ANKS1B: variants seen among roughly 807,000 people sequenced by gnomAD.
ANKS1B encodes the protein ankyrin repeat and sterile alpha motif domain containing 1B, also known as ankyrin repeat and sterile alpha motif domain-containing protein 1B.
In ANKS1B, 36 loss-of-function variants were observed where a neutral mutation model predicts 148.3. The ratio of observed to expected loss-of-function variants is 0.24; its 90% CI spans 0.19 to 0.32. ANKS1B has a LOEUF of 0.32. Among genes scored for constraint, ANKS1B ranks in the 10% least tolerant of loss-of-function variants. The pLI, the probability that ANKS1B is intolerant of heterozygous loss-of-function variation, is 1.00. For synonymous variants in ANKS1B, 542 were observed against 560.8 expected (o/e 0.97, Z 0.47); for missense variants, 1,157 against 1,542.6 (o/e 0.75, Z 4.19).
intron 8 of ANKS1B, among the ~76,000 whole-genome samples, chr12:99,689,786 C>T (rs1354174821): frequency 1.3e-5 from 2 of 152,150 alleles, no homozygotes; most frequent in African/African-American, 2.4e-5. Flanking sequence ...GGCCTCAGTT[C>T]TACAACCTCA....
chr12:99,937,371 A>G (rs930385020), intron 1 of ANKS1B, among the ~76,000 whole-genome samples: 20 of 152,206 alleles, frequency 1.3e-4, no homozygotes, highest in African/African-American at 4.8e-4. Context: ...CTACAGCTAC[A>G]TGGTCAATAA....
intron 12 of ANKS1B, among the ~76,000 whole-genome samples, chr12:99,355,481 A>C (rs1441583134): frequency 6.6e-6 from 1 of 152,182 alleles, no homozygotes; most frequent in Non-Finnish European, 1.5e-5. Flanking sequence ...AAAGGTGAGT[A>C]ATACTAATTT....
At chr12:99,651,458 C>CAAGAGTTTGCAACCAACTTTA in intron 9 of ANKS1B, among the ~76,000 whole-genome samples, 1 of 152,154 alleles carries the variant, frequency 6.6e-6, no homozygotes, top group African/African-American at 2.4e-5. Flanking sequence ...ATATTGCAAA[C>CAAGAGTTTGCAACCAACTTTA]TCTTAACAGA....
chr12:99,888,576 C>T (rs2092940691), intron 1 of ANKS1B, among the ~76,000 whole-genome samples: 1 of 152,184 alleles, frequency 6.6e-6, no homozygotes, highest in African/African-American at 2.4e-5. Context: ...GCCTTACCTG[C>T]ACTGCATAGA....
At chr12:99,922,065 C>A (rs2094370358) in intron 1 of ANKS1B, among the ~76,000 whole-genome samples, 1 of 152,128 alleles carries the variant, frequency 6.6e-6, no homozygotes, top group South Asian at 2.1e-4. Flanking sequence ...CCTTTCCCTG[C>A]TCAGTTTCCT....
In ANKS1B at chr12:98,882,313, T is replaced by C. The variant is rs917845421; in HGVS notation, c.2779-50177A>G. ...TAGAAACAATAAGTGATACAAAGAG[T>C]AAAAACAATTTTCAAAAAAATCAAA... On this transcript the variant is annotated intron_variant, in intron 17 of 26. Transcript: ENST00000683438. 5.7e-4 allele frequency among the ~76,000 whole-genome samples: 86 copies of C among 151,918 alleles called. 1 individual carries two copies. The highest frequency in any genetic ancestry group is 1.1e-3 in the Non-Finnish European group (75 of 67,924).
intron 8 of ANKS1B, among the ~76,000 whole-genome samples, chr12:99,689,926 T>G (rs1217730253): frequency 6.6e-6 from 1 of 152,186 alleles, no homozygotes. Context: ...TATTAGTCCA[T>G]TCTCACAATG....
intron 10 of ANKS1B, among the ~76,000 whole-genome samples, chr12:99,452,078 AAAGGGC>A (rs1283961487): frequency 2.0e-5 from 3 of 152,122 alleles, no homozygotes; most frequent in Non-Finnish European, 4.4e-5. Flanking sequence ...TTTTTTCTGT[AAAGGGC>A]CAGATGGTAA....
chr12:99,603,196 T>C (rs2097820411), intron 9 of ANKS1B, among the ~76,000 whole-genome samples: 1 of 152,064 alleles, frequency 6.6e-6, no homozygotes, highest in Non-Finnish European at 1.5e-5. Flanking sequence ...CATGTGCATA[T>C]TGGCTCTTTT....
intron 17 of ANKS1B, among the ~76,000 whole-genome samples, chr12:98,948,897 G>C (rs2099849569): frequency 6.8e-6 from 1 of 147,832 alleles, no homozygotes; most frequent in Admixed American, 6.8e-5. Flanking sequence ...ACCAAATCAG[G>C]AACAGAATAA....
intron 12 of ANKS1B, among the ~76,000 whole-genome samples, chr12:99,351,289 A>G (rs2152386478): frequency 6.6e-6 from 1 of 152,228 alleles, no homozygotes; most frequent in African/African-American, 2.4e-5. Flanking sequence ...AAGGCCCACT[A>G]AACTAACTAT....
At chr12:99,676,592 A>G (rs1041380144) in intron 8 of ANKS1B, among the ~76,000 whole-genome samples, 5 of 152,192 alleles carry the variant, frequency 3.3e-5, no homozygotes, top group Non-Finnish European at 7.4e-5. Flanking sequence ...AATAAGTAGG[A>G]CTTAATTTCA....
intron 14 of ANKS1B, among the ~76,000 whole-genome samples, chr12:99,156,691 C>A (rs1566507707): frequency 6.6e-6 from 1 of 152,172 alleles, no homozygotes; most frequent in Non-Finnish European, 1.5e-5. Context: ...CTCTTCTAAT[C>A]TTCTCTACCA....
intron 15 of ANKS1B, among the ~76,000 whole-genome samples, chr12:99,152,647 G>A (rs1352291049): frequency 1.3e-5 from 2 of 152,126 alleles, no homozygotes; most frequent in Admixed American, 6.6e-5. Flanking sequence ...CTGAATTAAA[G>A]TCTTTCAGCT....
chr12:99,660,091 T>C (rs1567585914), intron 8 of ANKS1B, among the ~76,000 whole-genome samples: 1 of 152,242 alleles, frequency 6.6e-6, no homozygotes. Context: ...CACGCCTTTT[T>C]GCCTTTGTTT....
intron 1 of ANKS1B, among the ~76,000 whole-genome samples, chr12:99,844,982 T>C (rs1265056114): frequency 6.6e-6 from 1 of 152,174 alleles, no homozygotes; most frequent in Non-Finnish European, 1.5e-5. Flanking sequence ...GGTATTTTAT[T>C]CTTTTTGTGG....
At chr12:99,162,451 C>T (rs2153830929) in intron 14 of ANKS1B, among the ~76,000 whole-genome samples, 1 of 151,992 alleles carries the variant, frequency 6.6e-6, no homozygotes, top group Admixed American at 6.6e-5. Context: ...GTATATAAAA[C>T]ATTGGGGTTG....
chr12:99,229,337 G>T (rs2086455748), intron 14 of ANKS1B, among the ~76,000 whole-genome samples: 1 of 151,708 alleles, frequency 6.6e-6, no homozygotes, highest in East Asian at 1.9e-4. Context: ...TCTATTAATG[G>T]TCATTTGATT....
rs375595777 is a variant in ANKS1B at position 99,805,786 on chromosome 12, G to C, written c.669+618C>G. Among the ~76,000 whole-genome samples the C allele has an allele frequency of 4.7e-5, 7 of 150,504 alleles. No homozygotes were observed. In the South Asian group the frequency reaches 1.5e-3, roughly 31 times the overall value. ...CTTTTCCATTTTTTTTTTTCTGAGTGTCCTTAGGCATAGTGATCATTCCTT... is the reference window on the plus strand; with the variant it reads ...CTTTTCCATTTTTTTTTTTCTGAGTCTCCTTAGGCATAGTGATCATTCCTT... On this transcript the variant is annotated intron_variant, in intron 4 of 26. Transcript: ENST00000683438.
Sources: allele counts gnomAD v4.1 joint callset (sites outside exome capture counted in the v4.1 genomes callset), GRCh38; gene constraint gnomAD v4.1.1; transcripts MANE v1.5; gene names NCBI Gene and HGNC (gene_info 2026-07-23, HGNC 2026-07-21).